FOXJ2: variants seen among roughly 807,000 people sequenced by gnomAD.
FOXJ2 encodes forkhead box protein J2.
FOXJ2 carries 18 observed loss-of-function variants against 68.4 expected under a neutral mutation model. The ratio of observed to expected loss-of-function variants is 0.26; its 90% CI spans 0.18 to 0.39. The LOEUF is 0.39. Among genes scored for constraint, FOXJ2 ranks in the 10% least tolerant of loss-of-function variants. FOXJ2 has a pLI of 1.00. For synonymous variants in FOXJ2, 274 were observed against 263.2 expected (o/e 1.04, Z -0.40); for missense variants, 670 against 726.5 (o/e 0.92, Z 0.89).
Position 8,053,187 on chromosome 12 carries a change from A to G in FOXJ2, c.*337A>G, listed in dbSNP as rs936621176. On this transcript the variant is annotated 3_prime_UTR_variant, in exon 11 of 11. Coordinates refer to ENST00000162391, the MANE Select transcript of FOXJ2 (RefSeq NM_018416.3). The surrounding 1 kb of genome is among the most constrained non-coding windows in gnomAD (Gnocchi z 4.1). ...TAATTTAAAATCATCAGGCTGGAAG[A>G]TGAAGCCATGATAGCTACAGAGAAA... is the stretch of plus-strand genomic sequence containing the variant. 2 of 152,746 alleles carry G rather than the reference A, an allele frequency of 1.3e-5. No homozygotes were observed. Among genetic ancestry groups the G allele is most frequent in the African/African-American group, 4.8e-5 (2 of 41,452 alleles). 9.5% of individuals were successfully genotyped at this position (152,746 alleles called of 1,614,324 possible).
chr12:8,052,820 T>C lies in FOXJ2; in HGVS notation c.1695T>C (p.Pro565=). Reference sequence around the variant, plus strand: ...CTCCTGGTGCCAATGAGGAGATCCCTGATGACTTCGACTGGGACTTGATCA... The same window carrying C: ...CTCCTGGTGCCAATGAGGAGATCCCCGATGACTTCGACTGGGACTTGATCA... ...VPPPGANEEI[P]DDFDWDLIT Residue 565 remains proline, a synonymous_variant, in exon 11 of 11, where the codon CCT becomes CCC. Transcript: ENST00000162391. The C allele has an allele frequency of 6.2e-7, 1 of 1,609,288 alleles. No individual in the cohort carries two copies. Among genetic ancestry groups the C allele is most frequent in the Non-Finnish European group, 8.5e-7 (1 of 1,177,234 alleles).
chr12:8,048,555 G>A, intron 7 of FOXJ2, 142 bp from the exon 8 acceptor site: 1 of 1,115,794 alleles, frequency 9.0e-7, no homozygotes, highest in Non-Finnish European at 1.3e-6. Context: ...TAAACTCCCA[G>A]GGAGGGAGAG....
rs1947149325 is a variant in FOXJ2, at chr12:8,053,264, A to AAG, written c.*414_*415insAG. 6.6e-6 allele frequency: 1 copy of AAG among 152,372 alleles called. No homozygotes were observed. The highest frequency in any genetic ancestry group is 6.6e-5 in the Admixed American group (1 of 15,254). 9.4% of individuals were successfully genotyped at this position (152,372 alleles called of 1,614,324 possible). Reference sequence around the variant, plus strand: ...CTTGGAGAAACTCAATGCTAATCCCACCTTTTGGCCCTAAATTGTTTTTTG... The same window carrying AAG: ...CTTGGAGAAACTCAATGCTAATCCCAAGCCTTTTGGCCCTAAATTGTTTTTTG... On this transcript the variant is annotated 3_prime_UTR_variant, in exon 11 of 11. Coordinates refer to ENST00000162391, the MANE Select transcript of FOXJ2 (RefSeq NM_018416.3). The surrounding 1 kb of genome is among the most constrained non-coding windows in gnomAD (Gnocchi z 4.1).
At chr12:8,044,658 C>G (rs1451216103) in intron 5 of FOXJ2, 102 bp from the exon 6 acceptor site, 8 of 1,189,926 alleles carry the variant, frequency 6.7e-6, no homozygotes, top group Non-Finnish European at 9.7e-6. Context: ...AAGAGCTAGG[C>G]GAGGATGAAG....
In FOXJ2 at chr12:8,054,259, G is replaced by A. The variant is rs1947160606; in HGVS notation, c.*1409G>A. The A allele has an allele frequency of 6.6e-6, 1 of 152,136 alleles. No homozygotes were observed. The highest frequency in any genetic ancestry group is 1.5e-5 in the Non-Finnish European group (1 of 68,024). 9.4% of individuals were successfully genotyped at this position (152,136 alleles called of 1,614,324 possible). A position where few individuals can be genotyped will look rare whatever the true frequency, so the allele number is the denominator to read the frequency against. On this transcript the variant is annotated 3_prime_UTR_variant, in exon 11 of 11. Transcript: ENST00000162391. ...CTAACTCATCTCTTTTACAAGGGGT[G>A]GCCATGACTTACTGTTGCAAAGTAC...
At chr12:8,049,850 T>A in intron 9 of FOXJ2, 1 of 430,864 alleles carries the variant, frequency 2.3e-6, no homozygotes, top group Non-Finnish European at 4.1e-6. Flanking sequence ...AAGGCTGTAT[T>A]TTAAATTTGC....
chr12:8,044,680 G>C lies in FOXJ2; in HGVS notation c.619-80G>C. ...AGGCGAGGATGAAGAGGACAGACAGGAGAGCCTGGTGACCATTGAAGGGTT... is the reference window on the plus strand; with the variant it reads ...AGGCGAGGATGAAGAGGACAGACAGCAGAGCCTGGTGACCATTGAAGGGTT... On this transcript the variant is annotated intron_variant, in intron 5 of 10. Transcript: ENST00000162391. 4 of 1,471,682 alleles carry C rather than the reference G, an allele frequency of 2.7e-6. No individual in the cohort carries two copies. In the South Asian group the frequency reaches 3.6e-5, roughly 13 times the overall value. 91.2% of individuals were successfully genotyped at this position (1,471,682 alleles called of 1,614,324 possible).
rs1258232217 is a variant in FOXJ2 at position 8,049,906 on chromosome 12, G to C, written c.1537+335G>C. On this transcript the variant is annotated intron_variant, in intron 9 of 10. Transcript: ENST00000162391. ...CTGGGTGATACCGGATGAAATGGTGGTTCTATGCTTATGTGATGTTCAAAC... is the reference window on the plus strand; with the variant it reads ...CTGGGTGATACCGGATGAAATGGTGCTTCTATGCTTATGTGATGTTCAAAC... The C allele has an allele frequency of 4.9e-5, 19 of 384,380 alleles. No individual in the cohort carries two copies. The Middle Eastern group carries it at 2.6e-3, about 54-fold the overall frequency. 23.8% of individuals were successfully genotyped at this position (384,380 alleles called of 1,614,324 possible).
chr12:8,049,498 C>T lies in FOXJ2; in HGVS notation c.1464C>T (p.Arg488=). ...GHVPPQGGTH[R]PPAPARIADS... ...TGCCCCCTCAAGGGGGTACCCACCGCCCACCAGCCCCTGCCCGTATTGCTG... is the reference window on the plus strand; with the variant it reads ...TGCCCCCTCAAGGGGGTACCCACCGTCCACCAGCCCCTGCCCGTATTGCTG... Residue 488 remains arginine (R), a synonymous_variant, in exon 9 of 11, where the codon CGC becomes CGT. Transcript: ENST00000162391. 6.2e-7 allele frequency: 1 copy of T among 1,614,014 alleles called. No individual in the cohort carries two copies. Among genetic ancestry groups the T allele is most frequent in the Admixed American group, 1.7e-5 (1 of 59,988 alleles).
In FOXJ2 at chr12:8,036,133, A is replaced by T. The variant is rs189148071; in HGVS notation, c.-15+2300A>T. ...AAAATATTAACTCAAGGTAATCCTT[A>T]CAACAATCAAAATAGTGGAGCTGGG... On this transcript the variant is annotated intron_variant, in intron 1 of 10. Coordinates refer to ENST00000162391, the MANE Select transcript of FOXJ2 (RefSeq NM_018416.3). Among the ~76,000 whole-genome samples, 3 of 152,346 alleles carry T rather than the reference A, an allele frequency of 2.0e-5. No homozygotes were observed. The East Asian group carries it at 5.8e-4, about 29-fold the overall frequency.
Position 8,048,139 on chromosome 12 carries a change from C to T in FOXJ2, c.1075C>T (p.Pro359Ser), listed in dbSNP as rs1049551828. ...GKQAGAEGYGPPPVMAMHPPP... is the reference protein window; with the variant it reads ...GKQAGAEGYGSPPVMAMHPPP... ...GCAAGCTGGGGCGGAAGGCTATGGG[C>T]CTCCCCCTGTAATGGCCATGCATCC... The change falls in exon 7 of 11, where the codon CCT becomes TCT. Residue 359 changes from proline (P) to serine (S), a missense_variant. Coordinates refer to ENST00000162391, the MANE Select transcript of FOXJ2 (RefSeq NM_018416.3). 5 of 1,613,608 alleles carry T rather than the reference C, an allele frequency of 3.1e-6. No homozygotes were observed. In the East Asian group the frequency reaches 1.1e-4, roughly 36 times the overall value.
In FOXJ2 at chr12:8,033,151, C is replaced by G; in HGVS notation, c.-697C>G. The G allele has an allele frequency of 3.0e-6, 1 of 338,338 alleles. No individual in the cohort carries two copies. The highest frequency in any genetic ancestry group is 5.3e-6 in the Non-Finnish European group (1 of 188,192). The allele number at this position is 338,338 out of a possible 1,614,324, so 21.0% of individuals were successfully genotyped here. ...CCCCTGTACTGGCCGGGGAGGAGAC[C>G]CCCAGAAGTGGAAAGAAGGGAGCTT... On this transcript the variant is annotated 5_prime_UTR_variant, in exon 1 of 11. Coordinates refer to ENST00000162391, the MANE Select transcript of FOXJ2 (RefSeq NM_018416.3).
chr12:8,047,767 T>C, intron 6 of FOXJ2, 115 bp from the exon 7 acceptor site: 1 of 1,352,610 alleles, frequency 7.4e-7, no homozygotes, highest in Non-Finnish European at 1.0e-6. Flanking sequence ...AGAATGTTCT[T>C]ACCCTTTTAA....
chr12:8,042,855 CT>C, intron 3 of FOXJ2, 123 bp downstream of exon 3: 2 of 809,432 alleles, frequency 2.5e-6, no homozygotes, highest in Non-Finnish European at 2.0e-6. Flanking sequence ...AGAGAAGCAT[CT>C]TTATTTTTTT....
chr12:8,032,863 C>T lies in FOXJ2; in HGVS notation c.-985C>T. The stretch of plus-strand genomic sequence containing the variant: ...GCCGAAGGGAGCGGACCCGACAGGA[C>T]GGCCCTAGAGGAGGTGCTGCCGCCA... On this transcript the variant is annotated 5_prime_UTR_variant, in exon 1 of 11. The change creates a new upstream start codon in the 5' untranslated region. Transcript: ENST00000162391. The surrounding 1 kb of genome is among the most constrained non-coding windows in gnomAD (Gnocchi z 4.8). 1 of 398,220 alleles carries T rather than the reference C, an allele frequency of 2.5e-6. No homozygotes were observed. Among genetic ancestry groups the T allele is most frequent in the Non-Finnish European group, 4.4e-6 (1 of 225,836 alleles). 24.7% of individuals were successfully genotyped at this position (398,220 alleles called of 1,614,324 possible).
At chr12:8,041,525 T>A (rs1280156063) in intron 2 of FOXJ2, among the ~76,000 whole-genome samples, 1 of 151,212 alleles carries the variant, frequency 6.6e-6, no homozygotes, top group East Asian at 1.9e-4. Context: ...TTTTTTTTTT[T>A]AATTTTAAGA....
intron 3 of FOXJ2, among the ~76,000 whole-genome samples, chr12:8,043,301 C>T (rs1343755166): frequency 6.6e-6 from 1 of 151,678 alleles, no homozygotes; most frequent in African/African-American, 2.4e-5. Context: ...TTTCATGCTC[C>T]CCCTTTTTTG....
At chr12:8,046,953 CTG>C (rs1947045435) in intron 6 of FOXJ2, among the ~76,000 whole-genome samples, 1 of 152,098 alleles carries the variant, frequency 6.6e-6, no homozygotes, top group Admixed American at 6.6e-5. Flanking sequence ...ACATGAGAAA[CTG>C]TCAGAAATAA....
At chr12:8,050,369 C>A in intron 9 of FOXJ2, 153 bp from the exon 10 acceptor site, 29 of 1,401,524 alleles carry the variant, frequency 2.1e-5, no homozygotes, top group Non-Finnish European at 2.7e-5. Flanking sequence ...CTGACAGCTT[C>A]TGCAGAAAGC....
Sources: allele counts gnomAD v4.1 joint callset (sites outside exome capture counted in the v4.1 genomes callset), GRCh38; gene constraint gnomAD v4.1.1; non-coding constraint Gnocchi (gnomAD v3.1); transcripts MANE v1.5; gene names NCBI Gene and HGNC (gene_info 2026-07-23, HGNC 2026-07-21).